TCF12: variants seen among roughly 807,000 people sequenced by gnomAD.
The protein encoded by TCF12 is DNA-binding protein HTF4.
Under a neutral mutation model 86.0 loss-of-function variants are expected in TCF12, and 45 were observed. That is an observed-to-expected ratio of 0.52 (90% confidence interval 0.41 to 0.67). The LOEUF is 0.67. Among genes scored for constraint, TCF12 ranks in the 30% least tolerant of loss-of-function variants. The pLI, the probability that TCF12 is intolerant of heterozygous loss-of-function variation, is 0.00. For synonymous variants in TCF12, 330 were observed against 299.6 expected (o/e 1.10, Z -1.05); for missense variants, 881 against 859.9 (o/e 1.02, Z -0.31).
chr15:56,932,433 T>C (rs1393585079), intron 3 of TCF12, among the ~76,000 whole-genome samples: 5 of 152,162 alleles, frequency 3.3e-5, no homozygotes, highest in African/African-American at 7.2e-5. Context: ...ATTTAGTATC[T>C]CTAGAAATCT....
chr15:57,258,279 CA>C (rs1324657636), intron 16 of TCF12, among the ~76,000 whole-genome samples: 1 of 151,466 alleles, frequency 6.6e-6, no homozygotes, highest in Non-Finnish European at 1.5e-5. Flanking sequence ...GACCCTGTAT[CA>C]ATTTAAAAAA....
intron 16 of TCF12, among the ~76,000 whole-genome samples, chr15:57,260,726 A>G (rs2060550032): frequency 6.6e-6 from 1 of 152,150 alleles, no homozygotes; most frequent in South Asian, 2.1e-4. Flanking sequence ...ATGTTTGCCC[A>G]TATCTATTTT....
intron 3 of TCF12, among the ~76,000 whole-genome samples, chr15:56,971,993 A>G (rs2062358818): frequency 6.6e-6 from 1 of 152,176 alleles, no homozygotes; most frequent in Non-Finnish European, 1.5e-5. Context: ...GCTTGTGGTA[A>G]TTTGATGGTT....
intron 3 of TCF12, among the ~76,000 whole-genome samples, chr15:56,956,799 A>AT (rs1444043580): frequency 3.3e-4 from 49 of 149,492 alleles, no homozygotes; most frequent in Admixed American, 1.2e-3. Context: ...TGCTTTTAAG[A>AT]TTTTTTTTTT....
At chr15:57,095,901 C>A (rs1013924587) in intron 5 of TCF12, among the ~76,000 whole-genome samples, 1 of 152,126 alleles carries the variant, frequency 6.6e-6, no homozygotes. Context: ...AGAATTATAA[C>A]TGCTATTTTG....
chr15:57,188,822 T>C (rs1470917428), intron 6 of TCF12, among the ~76,000 whole-genome samples: 1 of 152,194 alleles, frequency 6.6e-6, no homozygotes, highest in Non-Finnish European at 1.5e-5. Flanking sequence ...AGGGTCTCAC[T>C]CTGTCACCTG....
intron 5 of TCF12, among the ~76,000 whole-genome samples, chr15:57,157,355 C>T (rs2151489192): frequency 6.7e-6 from 1 of 149,368 alleles, no homozygotes; most frequent in East Asian, 2.0e-4. Flanking sequence ...GTCTTTATTT[C>T]TAAATTCTAA....
chr15:57,162,016 C>T (rs1357918313), intron 5 of TCF12, among the ~76,000 whole-genome samples: 1 of 152,156 alleles, frequency 6.6e-6, no homozygotes, highest in Non-Finnish European at 1.5e-5. Flanking sequence ...GGCCCATGCA[C>T]ATGTGCACAC....
At chr15:57,262,068 TA>T in intron 16 of TCF12, 25 bp from the exon 17 acceptor site, 1 of 1,497,902 alleles carries the variant, frequency 6.7e-7, no homozygotes, top group Non-Finnish European at 9.2e-7. Flanking sequence ...AATCTTTTTT[TA>T]TTTTTGGGTT....
At chr15:57,030,306 A>G (rs767229673) in intron 3 of TCF12, among the ~76,000 whole-genome samples, 9 of 152,172 alleles carry the variant, frequency 5.9e-5, no homozygotes, top group Admixed American at 2.0e-4. Context: ...TGGCATGATG[A>G]TAGCTCACTG....
intron 16 of TCF12, among the ~76,000 whole-genome samples, chr15:57,253,777 G>A (rs1338743201): frequency 1.3e-5 from 2 of 152,164 alleles, no homozygotes; most frequent in Non-Finnish European, 1.5e-5. Flanking sequence ...AATCTGAATA[G>A]CAAGAGTTCT....
intron 6 of TCF12, among the ~76,000 whole-genome samples, chr15:57,183,530 C>T (rs1245874577): frequency 6.6e-6 from 1 of 152,156 alleles, no homozygotes; most frequent in Admixed American, 6.5e-5. Context: ...GGAATTGTAA[C>T]CCAGTCAGCT....
intron 8 of TCF12, among the ~76,000 whole-genome samples, chr15:57,230,114 T>C (rs952099705): frequency 9.9e-5 from 15 of 152,008 alleles, no homozygotes; most frequent in Non-Finnish European, 2.1e-4. Flanking sequence ...TGTGTAATTC[T>C]AGAAATTTTC....
intron 3 of TCF12, among the ~76,000 whole-genome samples, chr15:56,951,815 T>G (rs1053538034): frequency 2.0e-5 from 3 of 152,084 alleles, no homozygotes; most frequent in Non-Finnish European, 4.4e-5. Flanking sequence ...CTAATTTTTA[T>G]TTTCTTATTT....
chr15:57,230,494 T>A (rs2059085336), intron 8 of TCF12, among the ~76,000 whole-genome samples: 1 of 152,074 alleles, frequency 6.6e-6, no homozygotes, highest in Admixed American at 6.6e-5. Flanking sequence ...GTTTATAGTT[T>A]GCTTATCTAA....
intron 3 of TCF12, among the ~76,000 whole-genome samples, chr15:57,024,216 C>CTTTTT (rs59793819): frequency 3.1e-4 from 34 of 111,292 alleles, no homozygotes; most frequent in African/African-American, 5.9e-4. Context: ...AAAAAAGTGT[C>CTTTTT]TTTTTTTTTT....
intron 2 of TCF12, among the ~76,000 whole-genome samples, chr15:56,920,444 G>A (rs192760910): frequency 1.3e-5 from 2 of 151,260 alleles, no homozygotes; most frequent in East Asian, 2.0e-4. Flanking sequence ...CTAGAATTTC[G>A]AGCCTTCTGA....
At position 57,264,595 on chromosome 15, in the gene TCF12, CAT is replaced by C. The variant is rs1431594785; in HGVS notation, c.1745+1322_1745+1323del. 4.6e-5 allele frequency among the ~76,000 whole-genome samples: 7 copies of C among 152,190 alleles called. No homozygotes were observed. In the East Asian group the frequency reaches 5.8e-4, roughly 13 times the overall value. Reference sequence around the variant, plus strand: ...TGTTAAAAACTAAGACACAAACACACATGTTAGCCTAGGCCTACACAAGGTCA... The same window carrying C: ...TGTTAAAAACTAAGACACAAACACACGTTAGCCTAGGCCTACACAAGGTCA... On this transcript the variant is annotated intron_variant, in intron 18 of 20. Transcript: ENST00000333725.
chr15:57,210,057 ATG>A (rs2058037363), intron 8 of TCF12, among the ~76,000 whole-genome samples: 1 of 152,016 alleles, frequency 6.6e-6, no homozygotes, highest in African/African-American at 2.4e-5. Flanking sequence ...TCTTTTCCTG[ATG>A]TATTTTTCTC....
Sources: gnomAD v4.1 joint callset for allele counts (sites outside exome capture counted in the v4.1 genomes callset) on GRCh38, gnomAD v4.1.1 for gene constraint, MANE v1.5 for transcripts, NCBI Gene and HGNC (gene_info 2026-07-23, HGNC 2026-07-21) for gene names.